Variants in NHSL2 observed in about 807,000 individuals in gnomAD.
NHSL2 encodes NHS-like protein 2.
NHSL2 carries 27 observed loss-of-function variants against 53.4 expected under a neutral mutation model. That is an observed-to-expected ratio of 0.51 (90% CI 0.37 to 0.70). The LOEUF is 0.70. Among genes scored for constraint, NHSL2 ranks in the 30% least tolerant of loss-of-function variants. The probability of loss-of-function intolerance (pLI) is 0.00; values close to 1 mark genes in which losing one functional copy is unlikely to be tolerated. For missense variants in NHSL2, 892 were observed against 980.1 expected (o/e 0.91, Z 1.20); for synonymous variants, 408 against 404.1 (o/e 1.01, Z -0.12).
intron 1 of NHSL2, among the ~76,000 whole-genome samples, chrX:71,973,549 T>A (rs2041935410): frequency 9.0e-6 from 1 of 111,615 alleles, no homozygotes; most frequent in Non-Finnish European, 1.9e-5. Flanking sequence ...TCTAAGCCAC[T>A]GCCCTGGAGC....
chrX:71,973,329 C>T (rs1352930405), intron 1 of NHSL2, among the ~76,000 whole-genome samples: 2 of 112,597 alleles, frequency 1.8e-5, no homozygotes, highest in African/African-American at 6.4e-5. Flanking sequence ...ATGGTTTTCT[C>T]TGGCAACCTT....
chrX:72,111,869 C>A (rs2042096460), intron 1 of NHSL2, among the ~76,000 whole-genome samples: 1 of 111,279 alleles, frequency 9.0e-6, no homozygotes, highest in Admixed American at 9.6e-5. Flanking sequence ...AGCTTACAGT[C>A]CAGGATAAGG....
intron 2 of NHSL2, chrX:72,133,543 C>G (rs1462878873): frequency 7.0e-5 from 1 of 14,377 alleles, no homozygotes; most frequent in Non-Finnish European, 4.6e-4. Flanking sequence ...CTCCTCCTTC[C>G]CTCTCCTTCA....
intron 1 of NHSL2, among the ~76,000 whole-genome samples, chrX:71,996,539 A>G (rs903175962): frequency 1.8e-5 from 2 of 112,719 alleles, no homozygotes; most frequent in African/African-American, 3.2e-5. Context: ...CAAACTCTGT[A>G]GAAGAGTCTG....
Position 71,932,520 on chromosome X carries a change from G to T in NHSL2, c.280+21153G>T, listed in dbSNP as rs866506305. 2.7e-5 allele frequency among the ~76,000 whole-genome samples: 3 copies of T among 111,284 alleles called. No individual in the cohort carries two copies. The Admixed American group carries it at 2.9e-4, about 11-fold the overall frequency. On this transcript the variant is annotated intron_variant, in intron 1 of 7. Coordinates refer to ENST00000633930, the MANE Select transcript of NHSL2 (RefSeq NM_001013627.3). ...CAGTGCCAGTTAAGAGGATATTACC[G>T]TAGTCCGAGAGAGAGATGAGGGAGG...
intron 1 of NHSL2, among the ~76,000 whole-genome samples, chrX:72,078,520 C>T (rs1404226741): frequency 9.0e-6 from 1 of 111,610 alleles, no homozygotes; most frequent in African/African-American, 3.3e-5. Flanking sequence ...CTAGTTCTGC[C>T]TCTCCCTCCA....
rs1039043005 is a variant in NHSL2 at position 71,927,993 on chromosome X, G to A, written c.280+16626G>A. On this transcript the variant is annotated intron_variant, in intron 1 of 7. Transcript: ENST00000633930. ...ACATGTTATGAAGATTATAAGCCTG[G>A]CAGGCATTAAATATTTGTCACACAA... Among the ~76,000 whole-genome samples, 3 of 112,466 alleles carry A rather than the reference G, an allele frequency of 2.7e-5. No individual in the cohort carries two copies. The Admixed American group carries it at 2.8e-4, about 11-fold the overall frequency.
chrX:72,142,489 ACTG>A (rs1268438821), intron 7 of NHSL2, 125 bp downstream of exon 7: 1 of 549,845 alleles, frequency 1.8e-6, no homozygotes, highest in Admixed American at 4.2e-5. Flanking sequence ...AATAAGAAAA[ACTG>A]CTACCTTTAA....
intron 1 of NHSL2, among the ~76,000 whole-genome samples, chrX:72,069,191 C>T (rs147679050): frequency 1.8e-5 from 2 of 111,953 alleles, no homozygotes; most frequent in East Asian, 5.6e-4. Flanking sequence ...AGTGAGCCAG[C>T]GAGCGGCAGC....
chrX:71,981,490 T>C (rs1053307318), intron 1 of NHSL2, among the ~76,000 whole-genome samples: 12 of 98,897 alleles, frequency 1.2e-4, no homozygotes, highest in African/African-American at 4.7e-4. Flanking sequence ...TGAGCAGAGA[T>C]CGTGCCACTG....
chrX:72,014,407 T>C lies in NHSL2; in HGVS notation c.280+103040T>C, dbSNP rs138324461. ...TTGATTTGAGACCTTTTTTCTTTTATAGTATAAGCATTTGGAGCTATAAAC... is the reference window on the plus strand; with the variant it reads ...TTGATTTGAGACCTTTTTTCTTTTACAGTATAAGCATTTGGAGCTATAAAC... On this transcript the variant is annotated intron_variant, in intron 1 of 7. Coordinates refer to ENST00000633930, the MANE Select transcript of NHSL2 (RefSeq NM_001013627.3). 5.4e-3 allele frequency among the ~76,000 whole-genome samples: 608 copies of C among 112,173 alleles called. 3 individuals carry two copies. Among genetic ancestry groups the C allele is most frequent in the African/African-American group, 0.019 (577 of 30,937 alleles).
intron 1 of NHSL2, among the ~76,000 whole-genome samples, chrX:72,038,247 G>A (rs754850464): frequency 2.7e-5 from 3 of 112,148 alleles, no homozygotes; most frequent in Non-Finnish European, 5.6e-5. Context: ...CCCTATGCCC[G>A]CTGTGCAGGC....
intron 1 of NHSL2, among the ~76,000 whole-genome samples, chrX:72,107,023 T>C (rs893178693): frequency 1.1e-4 from 12 of 110,571 alleles, no homozygotes; most frequent in Non-Finnish European, 1.9e-4. Flanking sequence ...AATGACGAGT[T>C]GATGGGTGCA....
At chrX:71,985,440 C>A (rs1409591084) in intron 1 of NHSL2, among the ~76,000 whole-genome samples, 1 of 112,323 alleles carries the variant, frequency 8.9e-6, no homozygotes, top group Non-Finnish European at 1.9e-5. Flanking sequence ...ACCAGTTTCT[C>A]AAATTGTGTC....
chrX:71,964,035 A>ATGTG (rs1261533783), intron 1 of NHSL2, among the ~76,000 whole-genome samples: 11 of 44,224 alleles, frequency 2.5e-4, no homozygotes, highest in African/African-American at 1.0e-3. Context: ...GTGTATATAT[A>ATGTG]TATATATGTA....
chrX:72,047,081 G>A (rs1178156057), intron 1 of NHSL2, among the ~76,000 whole-genome samples: 1 of 111,389 alleles, frequency 9.0e-6, no homozygotes, highest in Non-Finnish European at 1.9e-5. Context: ...CACCTTGAAG[G>A]TGGTGAAGTT....
At position 72,098,951 on chromosome X, in the gene NHSL2, A is replaced by C. The variant is rs2041967968; in HGVS notation, c.281-33128A>C. Among the ~76,000 whole-genome samples, 4 of 112,212 alleles carry C rather than the reference A, an allele frequency of 3.6e-5. No individual in the cohort carries two copies. In the South Asian group the frequency reaches 1.1e-3, roughly 31 times the overall value. On this transcript the variant is annotated intron_variant, in intron 1 of 7. Transcript: ENST00000633930. ...GTGCTTTTGATACACAAATGAGATC[A>C]TACAATACATACTGGCCCATTCCTT...
chrX:72,088,866 A>G (rs1250107723), intron 1 of NHSL2, among the ~76,000 whole-genome samples: 1 of 112,607 alleles, frequency 8.9e-6, no homozygotes, highest in Admixed American at 9.3e-5. Context: ...CCTCACATGA[A>G]GACGGCCTTT....
At chrX:72,033,585 T>A (rs1160078689) in intron 1 of NHSL2, among the ~76,000 whole-genome samples, 1 of 112,580 alleles carries the variant, frequency 8.9e-6, no homozygotes, top group East Asian at 2.8e-4. Flanking sequence ...CAGCATTTAG[T>A]CATATTCAGC....
Sources: gnomAD v4.1 joint callset for allele counts (sites outside exome capture counted in the v4.1 genomes callset) on GRCh38, gnomAD v4.1.1 for gene constraint, MANE v1.5 for transcripts, NCBI Gene and HGNC (gene_info 2026-07-23, HGNC 2026-07-21) for gene names.